Variants in GXYLT1 observed in about 807,000 individuals in gnomAD.
The protein encoded by GXYLT1 is glycosyltransferase 8 domain containing 3.
In GXYLT1, 29 loss-of-function variants were observed where a neutral mutation model predicts 54.0. The ratio of observed to expected loss-of-function variants is 0.54; its 90% CI spans 0.40 to 0.73. The LOEUF is 0.73. GXYLT1 is among the 30% of genes least tolerant of loss of function. The probability of loss-of-function intolerance (pLI) is 0.00; values close to 1 mark genes in which losing one functional copy is unlikely to be tolerated. For missense variants in GXYLT1, 490 were observed against 553.4 expected (o/e 0.89, Z 1.15); for synonymous variants, 176 against 204.1 (o/e 0.86, Z 1.17).
chr12:42,143,304 A>G (rs2065662067), intron 1 of GXYLT1, among the ~76,000 whole-genome samples: 1 of 152,224 alleles, frequency 6.6e-6, no homozygotes, highest in Non-Finnish European at 1.5e-5. Context: ...AGCTCATTCA[A>G]GTCTTCAGTG....
chr12:42,102,130 A>AT (rs539153207), intron 5 of GXYLT1, among the ~76,000 whole-genome samples: 279 of 152,326 alleles, frequency 1.8e-3, no homozygotes, highest in African/African-American at 6.4e-3. Context: ...AATTAGTTTC[A>AT]TTTTTTGAAT....
chr12:42,128,236 G>C (rs1282178180), intron 2 of GXYLT1, among the ~76,000 whole-genome samples: 1 of 152,090 alleles, frequency 6.6e-6, no homozygotes, highest in African/African-American at 2.4e-5. Context: ...AAACTGCGAA[G>C]AGAATAGGTT....
chr12:42,102,804 C>T (rs1396111789), intron 5 of GXYLT1, among the ~76,000 whole-genome samples: 1 of 151,744 alleles, frequency 6.6e-6, no homozygotes, highest in Non-Finnish European at 1.5e-5. Flanking sequence ...CAAAATAGAA[C>T]GTAATCATTT....
chr12:42,144,671 C>T lies in GXYLT1; in HGVS notation c.-25G>A, dbSNP rs767156731. 1.5e-6 allele frequency: 2 copies of T among 1,342,286 alleles called. No homozygotes were observed. Among genetic ancestry groups the T allele is most frequent in the Non-Finnish European group, 9.7e-7 (1 of 1,032,890 alleles). 83.1% of individuals were successfully genotyped at this position (1,342,286 alleles called of 1,614,324 possible). A position where few individuals can be genotyped will look rare whatever the true frequency, so the allele number is the denominator to read the frequency against. ...TCGCCCCGGCCGCGCTCCTCCTTCG[C>T]CGCCGCCGCCGCGCCCGCCCCGACG... is the stretch of plus-strand genomic sequence containing the variant. On this transcript the variant is annotated 5_prime_UTR_variant, in exon 1 of 8. Transcript: ENST00000398675.
intron 3 of GXYLT1, among the ~76,000 whole-genome samples, chr12:42,118,182 T>C (rs1436469331): frequency 3.3e-5 from 5 of 152,222 alleles, no homozygotes; most frequent in Non-Finnish European, 1.5e-5. Context: ...AAATTGATTT[T>C]AACTAATACA....
intron 5 of GXYLT1, among the ~76,000 whole-genome samples, chr12:42,105,371 A>G (rs980132665): frequency 6.6e-5 from 10 of 152,180 alleles, no homozygotes; most frequent in Non-Finnish European, 1.3e-4. Flanking sequence ...ACTCCTCACA[A>G]AAGTCCCAAG....
rs892128264 is a variant in GXYLT1 at position 42,086,904 on chromosome 12, T to C, written c.*882A>G. ...TATATAGCTTATGCATTTTGGTCCA[T>C]CACACTTTCCACCATCATGAGTATA... On this transcript the variant is annotated 3_prime_UTR_variant, in exon 8 of 8. Transcript: ENST00000398675. 1 of 152,140 alleles carries C rather than the reference T, an allele frequency of 6.6e-6. No individual in the cohort carries two copies. Among genetic ancestry groups the C allele is most frequent in the Non-Finnish European group, 1.5e-5 (1 of 67,998 alleles). The allele number at this position is 152,140 out of a possible 1,614,324, so 9.4% of individuals were successfully genotyped here.
chr12:42,140,029 A>C (rs2065642526), intron 1 of GXYLT1, among the ~76,000 whole-genome samples: 2 of 151,838 alleles, frequency 1.3e-5, no homozygotes, highest in African/African-American at 4.8e-5. Context: ...AAAATACAAA[A>C]AATTAGCTGG....
intron 3 of GXYLT1, among the ~76,000 whole-genome samples, chr12:42,117,806 C>T (rs574252765): frequency 3.3e-5 from 5 of 152,286 alleles, no homozygotes; most frequent in African/African-American, 2.4e-5. Context: ...ACTTACAAGG[C>T]TGACCTGATT....
rs1287478314 is a variant in GXYLT1, at chr12:42,134,337, G to A, written c.222-4486C>T. Among the ~76,000 whole-genome samples, 8 of 152,002 alleles carry A rather than the reference G, an allele frequency of 5.3e-5. No homozygotes were observed. The East Asian group carries it at 1.5e-3, about 29-fold the overall frequency. On this transcript the variant is annotated intron_variant, in intron 1 of 7. Coordinates refer to ENST00000398675, the MANE Select transcript of GXYLT1 (RefSeq NM_173601.2). Reference sequence around the variant, plus strand: ...ATTATGGTTCTTTTTTCTGAGACAGGGTCTTGCTCTGTCGCTCAGGGTGGA... The same window carrying A: ...ATTATGGTTCTTTTTTCTGAGACAGAGTCTTGCTCTGTCGCTCAGGGTGGA...
At chr12:42,144,203 G>A (rs1321807435) in intron 1 of GXYLT1, among the ~76,000 whole-genome samples, 1 of 152,232 alleles carries the variant, frequency 6.6e-6, no homozygotes. Flanking sequence ...AAGGGCGCAT[G>A]ACTGGGTCAA....
In GXYLT1 at chr12:42,086,576, A is replaced by G. The variant is rs947462049; in HGVS notation, c.*1210T>C. On this transcript the variant is annotated 3_prime_UTR_variant, in exon 8 of 8. Coordinates refer to ENST00000398675, the MANE Select transcript of GXYLT1 (RefSeq NM_173601.2). ...AGTATATGCTAAGTATTCAGAATCT[A>G]TAGTTATATTAGCTAACAGGTCAAG... 2.6e-5 allele frequency: 4 copies of G among 152,214 alleles called. No homozygotes were observed. The highest frequency in any genetic ancestry group is 5.9e-5 in the Non-Finnish European group (4 of 68,028). 9.4% of individuals were successfully genotyped at this position (152,214 alleles called of 1,614,324 possible). A position where few individuals can be genotyped will look rare whatever the true frequency, so the allele number is the denominator to read the frequency against.
chr12:42,117,448 A>C (rs1215608518), intron 3 of GXYLT1, among the ~76,000 whole-genome samples: 1 of 152,072 alleles, frequency 6.6e-6, no homozygotes, highest in East Asian at 1.9e-4. Context: ...CAAAAAGTAT[A>C]AACGTTTTTG....
intron 1 of GXYLT1, among the ~76,000 whole-genome samples, chr12:42,140,578 G>T (rs1384856942): frequency 7.6e-6 from 1 of 130,958 alleles, no homozygotes; most frequent in African/African-American, 2.7e-5. Flanking sequence ...CACAGTAAGT[G>T]GCAAAGCTGA....
At chr12:42,111,309 C>T (rs11181330) in intron 3 of GXYLT1, among the ~76,000 whole-genome samples, 78,499 of 152,094 alleles carry the variant, frequency 0.52, 20,691 homozygotes, top group South Asian at 0.69. Context: ...GCGCACCGTG[C>T]GCGAGCCGAA....
chr12:42,101,068 G>C (rs1409151436), intron 5 of GXYLT1, among the ~76,000 whole-genome samples: 2 of 151,860 alleles, frequency 1.3e-5, no homozygotes, highest in Admixed American at 1.3e-4. Context: ...AAAGAAAAAA[G>C]TCCCATTAGA....
chr12:42,109,796 T>C (rs964070103), intron 3 of GXYLT1, 105 bp from the exon 4 acceptor site: 20 of 667,974 alleles, frequency 3.0e-5, no homozygotes, highest in Non-Finnish European at 4.7e-5. Context: ...TAAGATAATA[T>C]ACATTTTATG....
chr12:42,130,724 G>A (rs761450104), intron 1 of GXYLT1, among the ~76,000 whole-genome samples: 8 of 152,140 alleles, frequency 5.3e-5, no homozygotes, highest in Non-Finnish European at 1.2e-4. Flanking sequence ...GCTGAGGTAG[G>A]TAGACTGCTT....
At chr12:42,136,174 T>G (rs2065618504) in intron 1 of GXYLT1, among the ~76,000 whole-genome samples, 3 of 152,196 alleles carry the variant, frequency 2.0e-5, no homozygotes, top group African/African-American at 7.2e-5. Flanking sequence ...ACTGAGAACT[T>G]ATGACATATC....
Sources: allele counts gnomAD v4.1 joint callset (sites outside exome capture counted in the v4.1 genomes callset), GRCh38; gene constraint gnomAD v4.1.1; transcripts MANE v1.5; gene names NCBI Gene and HGNC (gene_info 2026-07-23, HGNC 2026-07-21).